WWOX: variants seen among roughly 807,000 people sequenced by gnomAD.
The protein encoded by WWOX is WW domain containing oxidoreductase, also known as WW domain-containing oxidoreductase.
Under a neutral mutation model 46.2 loss-of-function variants are expected in WWOX, and 69 were observed. The observed-to-expected ratio is 1.49, with a 90% CI of 1.23 to 1.82. The LOEUF is 1.82. WWOX is among the 40% of genes most tolerant of loss of function. The pLI, the probability that WWOX is intolerant of heterozygous loss-of-function variation, is 0.00. For synonymous variants in WWOX, 359 were observed against 202.6 expected (o/e 1.77, Z -6.56); for missense variants, 919 against 542.6 (o/e 1.69, Z -6.89).
At chr16:79,112,950 A>G (rs781257043) in intron 8 of WWOX, among the ~76,000 whole-genome samples, 1 of 152,194 alleles carries the variant, frequency 6.6e-6, no homozygotes, top group Non-Finnish European at 1.5e-5. Context: ...CTCTGCTGGC[A>G]TAGATGGCTG....
At chr16:79,051,026 A>G (rs1485113377) in intron 8 of WWOX, among the ~76,000 whole-genome samples, 1 of 152,230 alleles carries the variant, frequency 6.6e-6, no homozygotes, top group African/African-American at 2.4e-5. Flanking sequence ...TTCGCCCATT[A>G]ACGCTTATAG....
At chr16:78,659,356 C>A (rs116062204) in intron 8 of WWOX, among the ~76,000 whole-genome samples, 1 of 151,980 alleles carries the variant, frequency 6.6e-6, no homozygotes, top group Non-Finnish European at 1.5e-5. Flanking sequence ...AAAGGCTCGT[C>A]CCCAAGCGAC....
intron 8 of WWOX, among the ~76,000 whole-genome samples, chr16:78,667,204 A>G (rs2047351025): frequency 6.6e-6 from 1 of 151,922 alleles, no homozygotes; most frequent in East Asian, 1.9e-4. Context: ...CATGTCTGCA[A>G]CTCTTTGGCA....
chr16:78,856,390 C>T (rs1379438688), intron 8 of WWOX, among the ~76,000 whole-genome samples: 2 of 152,172 alleles, frequency 1.3e-5, no homozygotes, highest in Non-Finnish European at 2.9e-5. Flanking sequence ...CGCCTGTAAT[C>T]GCAGCACTTT....
chr16:78,737,325 G>C (rs1374955086), intron 8 of WWOX, among the ~76,000 whole-genome samples: 4 of 151,394 alleles, frequency 2.6e-5, no homozygotes, highest in Non-Finnish European at 5.9e-5. Flanking sequence ...TAGTACAGAT[G>C]CGGTTTCATC....
chr16:78,157,780 C>G (rs543689273), intron 4 of WWOX, among the ~76,000 whole-genome samples: 10 of 152,162 alleles, frequency 6.6e-5, no homozygotes, highest in Non-Finnish European at 1.5e-4. Context: ...AGTCATTCAG[C>G]CCTCGGGTTA....
intron 8 of WWOX, among the ~76,000 whole-genome samples, chr16:79,068,608 T>C (rs1384796413): frequency 6.6e-6 from 1 of 151,552 alleles, no homozygotes; most frequent in Admixed American, 6.6e-5. Flanking sequence ...GTTCGAGACC[T>C]GGGCAACATG....
intron 8 of WWOX, among the ~76,000 whole-genome samples, chr16:78,606,697 G>C (rs1386352121): frequency 6.7e-6 from 1 of 149,398 alleles, no homozygotes; most frequent in Non-Finnish European, 1.5e-5. Flanking sequence ...ACGACTGAAA[G>C]GGCATTTCCC....
intron 5 of WWOX, among the ~76,000 whole-genome samples, chr16:78,319,677 C>T (rs1040863058): frequency 6.6e-6 from 1 of 152,140 alleles, no homozygotes; most frequent in Non-Finnish European, 1.5e-5. Context: ...GAAAAATAAA[C>T]GTTCTATGCC....
intron 8 of WWOX, among the ~76,000 whole-genome samples, chr16:78,614,854 A>G (rs1001447504): frequency 1.8e-4 from 28 of 152,210 alleles, no homozygotes; most frequent in South Asian, 2.1e-4. Flanking sequence ...TTACATAGGT[A>G]TACATGTGCC....
At chr16:78,471,950 A>G (rs1475894195) in intron 8 of WWOX, among the ~76,000 whole-genome samples, 1 of 152,218 alleles carries the variant, frequency 6.6e-6, no homozygotes, top group Non-Finnish European at 1.5e-5. Flanking sequence ...TTCAAATACT[A>G]TTAATGCAAA....
intron 5 of WWOX, among the ~76,000 whole-genome samples, chr16:78,271,086 TC>T (rs1399612722): frequency 6.6e-6 from 1 of 152,242 alleles, no homozygotes; most frequent in Non-Finnish European, 1.5e-5. Flanking sequence ...TAGAATTACA[TC>T]AACATTAAGC....
chr16:79,015,422 T>A (rs1597279821), intron 8 of WWOX, among the ~76,000 whole-genome samples: 1 of 152,226 alleles, frequency 6.6e-6, no homozygotes, highest in Non-Finnish European at 1.5e-5. Context: ...AATATTTTCC[T>A]TCCAAGTGAT....
chr16:79,097,149 G>A (rs980938615), intron 8 of WWOX, among the ~76,000 whole-genome samples: 9 of 151,996 alleles, frequency 5.9e-5, no homozygotes, highest in Non-Finnish European at 1.3e-4. Context: ...ATACATGTAG[G>A]GTGAAGGCTG....
chr16:78,373,471 C>G (rs899870615), intron 5 of WWOX, among the ~76,000 whole-genome samples: 3 of 152,124 alleles, frequency 2.0e-5, no homozygotes, highest in Admixed American at 1.3e-4. Context: ...TGCTCAGTGA[C>G]CATTAGTGGA....
chr16:78,479,517 A>G (rs1292107507), intron 8 of WWOX, among the ~76,000 whole-genome samples: 2 of 152,204 alleles, frequency 1.3e-5, no homozygotes, highest in Non-Finnish European at 2.9e-5. Context: ...TGGTTTTTGA[A>G]TGAAGTCACT....
chr16:79,020,879 C>G (rs1003806419), intron 8 of WWOX, among the ~76,000 whole-genome samples: 11 of 152,028 alleles, frequency 7.2e-5, no homozygotes, highest in African/African-American at 2.7e-4. Context: ...AGCAGGCAGC[C>G]TGCTGTTTAT....
At chr16:79,181,638 T>C (rs533220901) in intron 8 of WWOX, among the ~76,000 whole-genome samples, 103 of 152,278 alleles carry the variant, frequency 6.8e-4, no homozygotes, top group Admixed American at 1.2e-3. Context: ...TTACTCAGCC[T>C]TTGGGTGGTA....
At chr16:78,525,623 A>G (rs925001093) in intron 8 of WWOX, 1 of 152,224 alleles carries the variant, frequency 6.6e-6, no homozygotes, top group African/African-American at 2.4e-5. Context: ...AACAAAGAAG[A>G]TGCCAGCAAT....
Sources: gnomAD v4.1 joint callset for allele counts (sites outside exome capture counted in the v4.1 genomes callset) on GRCh38, gnomAD v4.1.1 for gene constraint, MANE v1.5 for transcripts, NCBI Gene and HGNC (gene_info 2026-07-23, HGNC 2026-07-21) for gene names.